Variants in GLIS3 observed in about 807,000 individuals in gnomAD.
GLIS3 encodes the protein zinc finger protein GLIS3.
GLIS3 carries 53 observed loss-of-function variants against 78.6 expected under a neutral mutation model. That is an observed-to-expected ratio of 0.67 (90% confidence interval 0.54 to 0.85). The LOEUF is 0.85. Ranked by LOEUF, GLIS3 falls within the 40% of genes least tolerant of loss-of-function variation. GLIS3 has a pLI of 0.00. For missense variants in GLIS3, 1,703 were observed against 1,231.1 expected (o/e 1.38, Z -5.74); for synonymous variants, 684 against 509.9 (o/e 1.34, Z -4.60).
intron 8 of GLIS3, among the ~76,000 whole-genome samples, chr9:3,870,950 A>G (rs1261091175): frequency 6.6e-6 from 1 of 152,248 alleles, no homozygotes; most frequent in Non-Finnish European, 1.5e-5. Flanking sequence ...TCTCTTCCAC[A>G]TATGAGCCTG....
At chr9:4,449,421 T>G in the GLIS3 span, among the ~76,000 whole-genome samples, 24,935 of 152,212 alleles carry the variant, frequency 0.16, 2,507 homozygotes, top group Non-Finnish European at 0.22. Flanking sequence ...CAGCAGAAAC[T>G]TCTGCAGACT....
intron 2 of GLIS3, among the ~76,000 whole-genome samples, chr9:4,173,097 A>C (rs527843788): frequency 6.6e-6 from 1 of 152,256 alleles, no homozygotes; most frequent in Non-Finnish European, 1.5e-5. Context: ...TCGCCTCTAA[A>C]TCTTTCTACG....
chr9:3,853,606 A>G (rs1819578039), intron 9 of GLIS3, among the ~76,000 whole-genome samples: 1 of 152,254 alleles, frequency 6.6e-6, no homozygotes, highest in Non-Finnish European at 1.5e-5. Flanking sequence ...AAGAGAGAAG[A>G]TAGATGAAAT....
At chr9:4,291,759 C>A (rs10117653) in intron 1 of GLIS3, among the ~76,000 whole-genome samples, 3,054 of 152,212 alleles carry the variant, frequency 0.02, 130 homozygotes, top group African/African-American at 0.07. Context: ...AATTCAGGAC[C>A]TTCAGGAATA....
At chr9:4,374,433 GTCTAA>G in the GLIS3 span, among the ~76,000 whole-genome samples, 1 of 152,202 alleles carries the variant, frequency 6.6e-6, no homozygotes, top group African/African-American at 2.4e-5. Context: ...CCAATATTGG[GTCTAA>G]TATGGATAGG....
At chr9:4,173,568 AC>A (rs1168063142) in intron 2 of GLIS3, among the ~76,000 whole-genome samples, 3 of 25,560 alleles carry the variant, frequency 1.2e-4, no homozygotes, top group Non-Finnish European at 2.1e-4. Flanking sequence ...AGATACACAC[AC>A]ACACACACAC....
intron 8 of GLIS3, among the ~76,000 whole-genome samples, chr9:3,866,019 G>A (rs1223470667): frequency 6.6e-6 from 1 of 152,170 alleles, no homozygotes; most frequent in Non-Finnish European, 1.5e-5. Context: ...CCATGAAGTG[G>A]TCCGAAGCAG....
chr9:3,931,094 T>A (rs1361099025), intron 6 of GLIS3, among the ~76,000 whole-genome samples: 1 of 152,166 alleles, frequency 6.6e-6, no homozygotes, highest in African/African-American at 2.4e-5. Context: ...GGGATTCCAA[T>A]TAAAGAAATT....
At chr9:4,179,260 CA>C (rs2131163626) in intron 2 of GLIS3, among the ~76,000 whole-genome samples, 1 of 152,240 alleles carries the variant, frequency 6.6e-6, no homozygotes, top group Non-Finnish European at 1.5e-5. Flanking sequence ...ATGAACAAGC[CA>C]AAAAGTTACT....
At chr9:4,072,685 C>A (rs1827712249) in intron 4 of GLIS3, among the ~76,000 whole-genome samples, 1 of 151,464 alleles carries the variant, frequency 6.6e-6, no homozygotes, top group Non-Finnish European at 1.5e-5. Context: ...TAATGACATC[C>A]TGCTTATTAC....
intron 4 of GLIS3, among the ~76,000 whole-genome samples, chr9:3,945,900 G>C (rs1332195605): frequency 6.6e-6 from 1 of 152,208 alleles, no homozygotes; most frequent in Non-Finnish European, 1.5e-5. Flanking sequence ...TGAGACCTAT[G>C]TCTTAGCACA....
the GLIS3 span, among the ~76,000 whole-genome samples, chr9:4,477,077 A>G: frequency 5.3e-5 from 8 of 152,106 alleles, no homozygotes; most frequent in Admixed American, 5.2e-4. Context: ...TGCCCAAAAT[A>G]ATTTAAAGCA....
At chr9:4,174,469 G>A (rs555407701) in intron 2 of GLIS3, among the ~76,000 whole-genome samples, 24 of 152,198 alleles carry the variant, frequency 1.6e-4, no homozygotes, top group African/African-American at 5.1e-4. Flanking sequence ...AAAATACATA[G>A]GGTACAAATA....
At chr9:4,344,187 CT>C (rs1817872674) in intron 2 of GLIS3, among the ~76,000 whole-genome samples, 1 of 152,142 alleles carries the variant, frequency 6.6e-6, no homozygotes, top group Non-Finnish European at 1.5e-5. Flanking sequence ...TACAGCAAGT[CT>C]CCCGATAAAA....
the GLIS3 span, among the ~76,000 whole-genome samples, chr9:4,358,748 A>G: frequency 3.9e-5 from 6 of 152,206 alleles, no homozygotes; most frequent in Non-Finnish European, 7.3e-5. Flanking sequence ...ATGTGTGTAC[A>G]TATGTGTCCA....
chr9:4,048,004 TG>T (rs1825395841), intron 4 of GLIS3, among the ~76,000 whole-genome samples: 1 of 152,136 alleles, frequency 6.6e-6, no homozygotes, highest in African/African-American at 2.4e-5. Context: ...GTAAGAAGTG[TG>T]GGCAAGACTC....
the GLIS3 span, among the ~76,000 whole-genome samples, chr9:4,356,374 G>A: frequency 1.3e-5 from 2 of 152,142 alleles, no homozygotes; most frequent in South Asian, 2.1e-4. Context: ...TTTTCCACAG[G>A]GATCCGACAA....
chr9:3,984,305 C>G (rs1050280930), intron 4 of GLIS3, among the ~76,000 whole-genome samples: 1 of 152,240 alleles, frequency 6.6e-6, no homozygotes, highest in Non-Finnish European at 1.5e-5. Flanking sequence ...GGACGCTATA[C>G]CCCGCAAAGC....
At chr9:4,276,232 C>G (rs960379063) in intron 2 of GLIS3, among the ~76,000 whole-genome samples, 3 of 145,890 alleles carry the variant, frequency 2.1e-5, no homozygotes, top group South Asian at 2.2e-4. Context: ...GCAGTGAGCC[C>G]AGATAGTGCC....
Sources: allele counts gnomAD v4.1 joint callset (sites outside exome capture counted in the v4.1 genomes callset), GRCh38; gene constraint gnomAD v4.1.1; transcripts MANE v1.5; gene names NCBI Gene and HGNC (gene_info 2026-07-23, HGNC 2026-07-21).